Variants in STARD9 observed in about 807,000 individuals in gnomAD.
The protein encoded by STARD9 is StAR related lipid transfer domain containing 9.
In STARD9, 346 loss-of-function variants were observed where a neutral mutation model predicts 399.8. The ratio of observed to expected loss-of-function variants is 0.87; its 90% confidence interval spans 0.79 to 0.95. STARD9 has a LOEUF of 0.95. Among genes scored for constraint, STARD9 ranks in the 40% least tolerant of loss-of-function variants. STARD9 has a pLI of 0.00. For synonymous variants in STARD9, 2,203 were observed against 2,143.5 expected (o/e 1.03, Z -0.77); for missense variants, 5,832 against 5,667.5 (o/e 1.03, Z -0.93).
At chr15:42,605,458 C>G (rs1307783028) in intron 3 of STARD9, among the ~76,000 whole-genome samples, 2 of 152,162 alleles carry the variant, frequency 1.3e-5, no homozygotes, top group Non-Finnish European at 2.9e-5. Flanking sequence ...GACAGAGCCC[C>G]TGGGGAATTG....
Position 42,691,871 on chromosome 15 carries a change from A to G in STARD9, c.10293A>G (p.Glu3431=), listed in dbSNP as rs772387314. The G allele has an allele frequency of 6.5e-6, 10 of 1,537,304 alleles. No homozygotes were observed. Among genetic ancestry groups the G allele is most frequent in the South Asian group, 1.2e-5 (1 of 84,066 alleles). Residue 3431 remains glutamate (E), a synonymous_variant, in exon 23 of 33, where the codon GAA becomes GAG. Coordinates refer to ENST00000290607, the MANE Select transcript of STARD9 (RefSeq NM_020759.3). ...CCAGCTGGATGTCTGGTACTTTGGA[A>G]CAAGCCCAACAGGGAAAGCGAGAGA... ...FTTSWMSGTL[E]QAQQGKREKL...
At chr15:42,636,802 A>G (rs1372461686) in intron 4 of STARD9, among the ~76,000 whole-genome samples, 1 of 152,072 alleles carries the variant, frequency 6.6e-6, no homozygotes, top group Non-Finnish European at 1.5e-5. Context: ...ATGTTGGCTC[A>G]CACCTATAAT....
chr15:42,620,878 C>T (rs964718008), intron 3 of STARD9, among the ~76,000 whole-genome samples: 1 of 152,088 alleles, frequency 6.6e-6, no homozygotes, highest in Non-Finnish European at 1.5e-5. Context: ...CCTCAGCTTC[C>T]TGTGTAGCTG....
chr15:42,682,009 C>A, intron 21 of STARD9, 95 bp from the exon 22 acceptor site: 1 of 841,996 alleles, frequency 1.2e-6, no homozygotes, highest in Non-Finnish European at 1.8e-6. Context: ...TTTCACTCCA[C>A]ACAGGTCCAG....
chr15:42,594,375 G>GT lies in STARD9; in HGVS notation c.234+8745dup, dbSNP rs145410785. On this transcript the variant is annotated intron_variant, in intron 3 of 32. Transcript: ENST00000290607. The stretch of plus-strand genomic sequence containing the variant: ...GCTCCATAAGTACTGAACATGAGGA[G>GT]TTTTTTTCTGGAACATGAGAACCAG... Among the ~76,000 whole-genome samples, 786 of 152,274 alleles carry GT rather than the reference G, an allele frequency of 5.2e-3. 8 individuals carry two copies. Among genetic ancestry groups the GT allele is most frequent in the African/African-American group, 0.018 (748 of 41,538 alleles).
chr15:42,684,960 G>A lies in STARD9; in HGVS notation c.3382G>A (p.Glu1128Lys). ...CCTGATAGAGCCACTGAAGCCAGAG[G>A]AGAGGAAATGGGATTTCCCAGAGCC... ...KALIEPLKPEERKWDFPEPEN... is the reference protein window; with the variant it reads ...KALIEPLKPEKRKWDFPEPEN... Residue 1128 changes from glutamate to lysine, a missense_variant, in exon 23 of 33, where the codon GAG becomes AAG. Physicochemically the swap from Glu to Lys is moderately conservative, Grantham distance 56. Transcript: ENST00000290607. The A allele has an allele frequency of 6.5e-7, 1 of 1,537,036 alleles. No homozygotes were observed. Among genetic ancestry groups the A allele is most frequent in the Non-Finnish European group, 8.7e-7 (1 of 1,146,922 alleles).
Position 42,583,344 on chromosome 15 carries a change from A to C in STARD9, c.48-2A>C, listed in dbSNP as rs1366511794. The C allele has an allele frequency of 6.5e-7, 1 of 1,536,046 alleles. No individual in the cohort carries two copies. The highest frequency in any genetic ancestry group is 8.7e-7 in the Non-Finnish European group (1 of 1,145,846). ...TCTTCTGAGCTTGGGTCTTGTTTCT[A>C]GGGAGACCAAAGAAGGGGGAAGAAT... On this transcript the variant is annotated splice_acceptor_variant, in intron 1 of 32. Transcript: ENST00000290607. LOFTEE classifies it high-confidence loss of function.
chr15:42,691,604 G>A lies in STARD9; in HGVS notation c.10026G>A (p.Val3342=), dbSNP rs779715106. 1.8e-4 allele frequency: 280 copies of A among 1,537,122 alleles called. 1 individual carries two copies. The highest frequency in any genetic ancestry group is 2.4e-4 in the Non-Finnish European group (270 of 1,146,914). Residue 3342 remains valine (V), a synonymous_variant, in exon 23 of 33, where the codon GTG becomes GTA. Coordinates refer to ENST00000290607, the MANE Select transcript of STARD9 (RefSeq NM_020759.3). ...CTCTTCAGGAGCTGAACTTGAGTGTGGAGCCTCCTTCCCCTACAGACGAAG... is the reference window on the plus strand; with the variant it reads ...CTCTTCAGGAGCTGAACTTGAGTGTAGAGCCTCCTTCCCCTACAGACGAAG... ...SRSLQELNLS[V]EPPSPTDEDT...
Position 42,687,505 on chromosome 15 carries a change from A to G in STARD9, c.5927A>G (p.Asn1976Ser), listed in dbSNP as rs544793721. Reference sequence around the variant, plus strand: ...CCAACCCCTAAGTGGGAAGGGAAAAATGAAACTGGGCTTCTTGAAAAAGGT... The same window carrying G: ...CCAACCCCTAAGTGGGAAGGGAAAAGTGAAACTGGGCTTCTTGAAAAAGGT... ...GGPTPKWEGKNETGLLEKGLR... is the reference protein window; with the variant it reads ...GGPTPKWEGKSETGLLEKGLR... Residue 1976 changes from asparagine to serine, a missense_variant, in exon 23 of 33, where the codon AAT (asparagine) becomes AGT (serine). This residue lies in a region of STARD9 where 5,828 missense variants were observed against 5,651.1 expected (regional missense o/e 1.03). Coordinates refer to ENST00000290607, the MANE Select transcript of STARD9 (RefSeq NM_020759.3). The G allele has an allele frequency of 5.9e-5, 91 of 1,537,164 alleles. No homozygotes were observed. Among genetic ancestry groups the G allele is most frequent in the Non-Finnish European group, 7.8e-5 (90 of 1,146,914 alleles).
intron 20 of STARD9, among the ~76,000 whole-genome samples, chr15:42,677,889 C>T (rs2060344153): frequency 6.6e-6 from 1 of 152,204 alleles, no homozygotes; most frequent in South Asian, 2.1e-4. Flanking sequence ...GACCTATCCA[C>T]CCCAGAGTAC....
At chr15:42,606,890 A>G (rs1050706910) in intron 3 of STARD9, among the ~76,000 whole-genome samples, 9 of 152,046 alleles carry the variant, frequency 5.9e-5, no homozygotes, top group Non-Finnish European at 1.2e-4. Context: ...CTCACCCATT[A>G]TAGCAAATGG....
Position 42,689,388 on chromosome 15 carries a change from T to C in STARD9, c.7810T>C (p.Ser2604Pro), listed in dbSNP as rs2060637192. The C allele has an allele frequency of 2.0e-6, 3 of 1,537,256 alleles. No individual in the cohort carries two copies. The highest frequency in any genetic ancestry group is 2.6e-6 in the Non-Finnish European group (3 of 1,146,940). Residue 2604 changes from serine (S) to proline (P), a missense_variant, in exon 23 of 33, where the codon TCA becomes CCA. Around this residue, in one of 2 missense-constraint regions of STARD9, gnomAD observed 5,828 missense variants for 5,651.1 expected, o/e 1.03. Transcript: ENST00000290607. ...PQCKQIDQSS[S>P]DQTRNEGEAP... ...GTGTAAACAAATAGACCAGTCATCA[T>C]CAGACCAGACCAGGAATGAGGGTGA...
intron 3 of STARD9, among the ~76,000 whole-genome samples, chr15:42,621,405 G>GA (rs1460594508): frequency 2.0e-5 from 3 of 152,050 alleles, no homozygotes; most frequent in Non-Finnish European, 4.4e-5. Context: ...TGTGTTAAAA[G>GA]AAAAATTTTA....
intron 9 of STARD9, among the ~76,000 whole-genome samples, chr15:42,655,448 C>G (rs990195608): frequency 2.0e-5 from 3 of 152,204 alleles, no homozygotes; most frequent in African/African-American, 7.2e-5. Context: ...TTGCAGTCAA[C>G]CGATCTTTGA....
chr15:42,682,172 G>GT lies in STARD9; in HGVS notation c.2135dup (p.Ala713SerfsTer6), dbSNP rs1566930645. The stretch of plus-strand genomic sequence containing the variant: ...GCAACAGCAGCAGCAAGAAGACCAG[G>GT]TAGCAGAGAAAGAACTTGAGGCATC... On this transcript the variant is annotated frameshift_variant, in exon 22 of 33. Coordinates refer to ENST00000290607, the MANE Select transcript of STARD9 (RefSeq NM_020759.3). LOFTEE classifies it high-confidence loss of function. 1 of 1,537,266 alleles carries GT rather than the reference G, an allele frequency of 6.5e-7. No individual in the cohort carries two copies. The highest frequency in any genetic ancestry group is 8.7e-7 in the Non-Finnish European group (1 of 1,146,906).
At chr15:42,597,302 C>T (rs1410112650) in intron 3 of STARD9, among the ~76,000 whole-genome samples, 1 of 152,132 alleles carries the variant, frequency 6.6e-6, no homozygotes, top group Non-Finnish European at 1.5e-5. Context: ...CTGGGCTCCA[C>T]CTTGGCCTCC....
chr15:42,691,252 G>A lies in STARD9; in HGVS notation c.9674G>A (p.Gly3225Asp). 1 of 1,537,248 alleles carries A rather than the reference G, an allele frequency of 6.5e-7. No individual in the cohort carries two copies. Among genetic ancestry groups the A allele is most frequent in the Non-Finnish European group, 8.7e-7 (1 of 1,146,890 alleles). The change falls in exon 23 of 33, where the codon GGC becomes GAC. Residue 3225 changes from glycine (G) to aspartate (D), a missense_variant. Transcript: ENST00000290607. ...GACCAGGCTTCAGGTGGTGGAGAAG[G>A]CTTCGCCCAGGGTGTGAATCCCCTT... ...HRDQASGGGE[G>D]FAQGVNPLPD... is the part of the protein sequence containing the mutation.
chr15:42,655,886 A>C (rs1307228817), intron 9 of STARD9, among the ~76,000 whole-genome samples: 1 of 152,216 alleles, frequency 6.6e-6, no homozygotes, highest in Non-Finnish European at 1.5e-5. Flanking sequence ...CAGCAAGAAA[A>C]AAACAGTCCC....
chr15:42,631,032 A>G (rs755339220), intron 3 of STARD9, among the ~76,000 whole-genome samples: 1 of 150,796 alleles, frequency 6.6e-6, no homozygotes, highest in South Asian at 2.1e-4. Context: ...CTATATTGCA[A>G]GAGTTTATAG....
Sources: allele counts gnomAD v4.1 joint callset (sites outside exome capture counted in the v4.1 genomes callset), GRCh38; gene constraint gnomAD v4.1.1; regional missense constraint gnomAD v4.1.1; transcripts MANE v1.5; gene names NCBI Gene and HGNC (gene_info 2026-07-23, HGNC 2026-07-21).